The following SAMD5 variants were observed in gnomAD, a reference collection of about 807,000 sequenced individuals.
SAMD5 encodes the protein sterile alpha motif domain-containing protein 5.
In SAMD5, 13 loss-of-function variants were observed where a neutral mutation model predicts 11.3. The observed-to-expected ratio is 1.15, with a 90% CI of 0.75 to 1.83. The LOEUF is 1.83. SAMD5 is among the 40% of genes most tolerant of loss of function. The pLI, the probability that SAMD5 is intolerant of heterozygous loss-of-function variation, is 0.00. For missense variants in SAMD5, 255 were observed against 239.1 expected, an observed-to-expected ratio of 1.07 and a Z score of -0.44; for synonymous variants, 129 against 111.3, an observed-to-expected ratio of 1.16 and a Z score of -1.00.
the SAMD5 span, among the ~76,000 whole-genome samples, chr6:147,935,596 C>T: frequency 6.7e-6 from 1 of 149,732 alleles, no homozygotes; most frequent in Non-Finnish European, 1.5e-5. Flanking sequence ...ATTTCAATAT[C>T]ATGAATAAGG....
intron 1 of SAMD5, among the ~76,000 whole-genome samples, chr6:147,528,984 G>A (rs1205302664): frequency 6.6e-6 from 1 of 152,180 alleles, no homozygotes; most frequent in African/African-American, 2.4e-5. Context: ...CAGCCAGATT[G>A]CTTCAGCTTT....
the SAMD5 span, among the ~76,000 whole-genome samples, chr6:147,832,551 C>T: frequency 3.9e-5 from 6 of 152,140 alleles, no homozygotes; most frequent in Admixed American, 1.3e-4. Flanking sequence ...CCATCGCCTG[C>T]GCATCCCCAC....
chr6:147,753,701 C>T, the SAMD5 span, among the ~76,000 whole-genome samples: 3 of 152,006 alleles, frequency 2.0e-5, no homozygotes, highest in East Asian at 5.8e-4. Flanking sequence ...ACCTTCCCCC[C>T]AGCCCCTCAC....
At chr6:147,515,806 G>T (rs552528401) in intron 1 of SAMD5, among the ~76,000 whole-genome samples, 1 of 152,218 alleles carries the variant, frequency 6.6e-6, no homozygotes, top group African/African-American at 2.4e-5. Context: ...AGGATTGGAG[G>T]ATGTTGCACT....
the SAMD5 span, among the ~76,000 whole-genome samples, chr6:147,877,927 A>C: frequency 3.7e-3 from 23 of 6,298 alleles, 2 homozygotes; most frequent in Middle Eastern, 0.091. Flanking sequence ...AGCTAGCTAG[A>C]TAGATAGATA....
At position 147,566,248 on chromosome 6, in the gene SAMD5, T is replaced by C. The variant is rs776070479; in HGVS notation, c.*1792T>C. 2 of 979,562 alleles carry C rather than the reference T, an allele frequency of 2.0e-6. No homozygotes were observed. The highest frequency in any genetic ancestry group is 2.4e-6 in the Non-Finnish European group (2 of 824,592). 60.7% of individuals were successfully genotyped at this position (979,562 alleles called of 1,614,324 possible). The stretch of plus-strand genomic sequence containing the variant: ...GTTGTCCTTAAATTATACAAAAGCT[T>C]TTAGTTTCATCAGGATTATATTCCA... On this transcript the variant is annotated 3_prime_UTR_variant, in exon 2 of 2. Coordinates refer to ENST00000367474, the MANE Select transcript of SAMD5 (RefSeq NM_001030060.3).
At chr6:147,673,105 GTCCTTGGC>G (rs1790816526) in intron 1 of SAMD5, among the ~76,000 whole-genome samples, 1 of 151,926 alleles carries the variant, frequency 6.6e-6, no homozygotes, top group Non-Finnish European at 1.5e-5. Flanking sequence ...TTCTTATCTT[GTCCTTGGC>G]TCCTTGGCTC....
chr6:147,899,549 C>A, the SAMD5 span, among the ~76,000 whole-genome samples: 1 of 152,192 alleles, frequency 6.6e-6, no homozygotes, highest in Non-Finnish European at 1.5e-5. Context: ...AGTATTCTTG[C>A]ATAATTACAG....
At chr6:147,797,655 C>T in the SAMD5 span, among the ~76,000 whole-genome samples, 3 of 140,946 alleles carry the variant, frequency 2.1e-5, no homozygotes, top group Admixed American at 1.4e-4. Flanking sequence ...ACCAGGTCCT[C>T]CTTGTACCTC....
the SAMD5 span, among the ~76,000 whole-genome samples, chr6:147,769,862 A>C: frequency 1.3e-5 from 2 of 152,204 alleles, no homozygotes; most frequent in African/African-American, 4.8e-5. Context: ...GGTCTACTTA[A>C]AGTGTCATAG....
chr6:147,536,082 C>G (rs1362039671), intron 1 of SAMD5, among the ~76,000 whole-genome samples: 1 of 151,824 alleles, frequency 6.6e-6, no homozygotes, highest in African/African-American at 2.4e-5. Context: ...CTCCCGGGTT[C>G]ACGCCATTCT....
chr6:147,785,533 T>C, the SAMD5 span, among the ~76,000 whole-genome samples: 3 of 152,194 alleles, frequency 2.0e-5, no homozygotes, highest in South Asian at 6.2e-4. Context: ...TCTGACATTC[T>C]CCAGGCATGA....
chr6:147,649,747 C>T (rs1046993830), intron 1 of SAMD5, among the ~76,000 whole-genome samples: 2 of 150,674 alleles, frequency 1.3e-5, no homozygotes, highest in African/African-American at 4.9e-5. Context: ...AGTGAGATCG[C>T]GCCACTGCGC....
the SAMD5 span, among the ~76,000 whole-genome samples, chr6:147,904,926 T>G: frequency 6.6e-6 from 1 of 152,130 alleles, no homozygotes; most frequent in African/African-American, 2.4e-5. Flanking sequence ...TTTGCTCTTG[T>G]TCCCCAGGCT....
the SAMD5 span, among the ~76,000 whole-genome samples, chr6:147,902,966 T>C: frequency 6.6e-6 from 1 of 152,222 alleles, no homozygotes; most frequent in East Asian, 1.9e-4. Context: ...GGCTACATTG[T>C]AAGGCATCAG....
chr6:147,862,498 G>A, the SAMD5 span, among the ~76,000 whole-genome samples: 77 of 152,284 alleles, frequency 5.1e-4, no homozygotes, highest in African/African-American at 1.8e-3. Context: ...GGAGCTCCAC[G>A]CACCCCCTCT....
At chr6:147,578,579 C>T (rs1291129355) in intron 1 of SAMD5, among the ~76,000 whole-genome samples, 1 of 152,004 alleles carries the variant, frequency 6.6e-6, no homozygotes, top group Non-Finnish European at 1.5e-5. Context: ...TTGCAGAAAA[C>T]AATTAATTTT....
At chr6:147,625,922 T>C (rs947508521) in intron 1 of SAMD5, among the ~76,000 whole-genome samples, 5 of 152,166 alleles carry the variant, frequency 3.3e-5, no homozygotes, top group African/African-American at 1.2e-4. Context: ...CTGCAGACAG[T>C]GGGTCAGAAC....
the SAMD5 span, among the ~76,000 whole-genome samples, chr6:147,920,526 C>A: frequency 6.6e-6 from 1 of 152,174 alleles, no homozygotes; most frequent in Admixed American, 6.5e-5. Flanking sequence ...TGAGTCAGTA[C>A]TCCTTAATAA....
Sources: gnomAD v4.1 joint callset for allele counts (sites outside exome capture counted in the v4.1 genomes callset) on GRCh38, gnomAD v4.1.1 for gene constraint, MANE v1.5 for transcripts, NCBI Gene and HGNC (gene_info 2026-07-23, HGNC 2026-07-21) for gene names.